The following VPS33A variants were observed in gnomAD, a reference collection of about 807,000 sequenced individuals.
VPS33A encodes the protein vacuolar protein sorting-associated protein 33A.
In VPS33A, 32 loss-of-function variants were observed where a neutral mutation model predicts 71.8. That is an observed-to-expected ratio of 0.45 (90% CI 0.34 to 0.60). The LOEUF (loss-of-function observed/expected upper bound fraction) is 0.60. Ranked by LOEUF, VPS33A falls within the 20% of genes least tolerant of loss-of-function variation. VPS33A has a pLI of 0.02. For synonymous variants in VPS33A, 311 were observed against 292.7 expected (o/e 1.06, Z -0.64); for missense variants, 625 against 748.5 (o/e 0.84, Z 1.92).
intron 5 of VPS33A, among the ~76,000 whole-genome samples, chr12:122,250,763 G>A (rs774882518): frequency 5.9e-5 from 9 of 152,226 alleles, no homozygotes; most frequent in African/African-American, 9.6e-5. Context: ...AACATGCGCA[G>A]TGGTTACTCA....
In VPS33A at chr12:122,253,633, T is replaced by C. The variant is rs114970524; in HGVS notation, c.484-2534A>G. ...ACTTAATTTTTTTAAGTTGTACTAC[T>C]ACAAAGACATCTCTTTTACAATATT... On this transcript the variant is annotated intron_variant, in intron 4 of 12. Transcript: ENST00000267199. 4.0e-3 allele frequency: 616 copies of C among 154,384 alleles called. 5 individuals are homozygous for C. The highest frequency in any genetic ancestry group is 0.014 in the African/African-American group (573 of 41,598). 9.6% of individuals were successfully genotyped at this position (154,384 alleles called of 1,614,324 possible). A position where few individuals can be genotyped will look rare whatever the true frequency, so the allele number is the denominator to read the frequency against.
intron 4 of VPS33A, among the ~76,000 whole-genome samples, chr12:122,251,939 A>C (rs1253810311): frequency 6.6e-6 from 1 of 151,876 alleles, no homozygotes; most frequent in Non-Finnish European, 1.5e-5. Flanking sequence ...AAAAAAGAAA[A>C]AAGAATCTCC....
At chr12:122,232,666 C>T (rs1160577314) in intron 12 of VPS33A, 134 bp downstream of exon 12, 5 of 1,201,420 alleles carry the variant, frequency 4.2e-6, no homozygotes, top group Non-Finnish European at 4.6e-6. Flanking sequence ...TTACTACATA[C>T]ATTAGCAACG....
intron 10 of VPS33A, among the ~76,000 whole-genome samples, chr12:122,237,549 T>A (rs1202838645): frequency 1.4e-5 from 2 of 146,724 alleles, no homozygotes; most frequent in Non-Finnish European, 3.0e-5. Flanking sequence ...TTTTTTTTTT[T>A]TTTTTGAGAC....
chr12:122,242,815 A>C (rs1954732990), intron 7 of VPS33A, among the ~76,000 whole-genome samples: 1 of 152,186 alleles, frequency 6.6e-6, no homozygotes, highest in Admixed American at 6.5e-5. Flanking sequence ...TGGCCTCCCA[A>C]AGTGTTAGGA....
intron 6 of VPS33A, among the ~76,000 whole-genome samples, chr12:122,247,811 AACC>A (rs781510965): frequency 3.3e-5 from 5 of 152,142 alleles, no homozygotes; most frequent in Non-Finnish European, 5.9e-5. Flanking sequence ...TAGTCCTGGC[AACC>A]ACGAGTCCGT....
At position 122,234,331 on chromosome 12, in the gene VPS33A, G is replaced by A. The variant is rs116124247; in HGVS notation, c.1441-1363C>T. Among the ~76,000 whole-genome samples, 616 of 152,100 alleles carry A rather than the reference G, an allele frequency of 4.0e-3. 1 individual carries two copies. Among genetic ancestry groups the A allele is most frequent in the African/African-American group, 0.014 (582 of 41,484 alleles). On this transcript the variant is annotated intron_variant, in intron 11 of 12. Transcript: ENST00000267199. The stretch of plus-strand genomic sequence containing the variant: ...CTCATTCTGTCGCCCATGCTGGAGT[G>A]CAGCAGTGCAATCTCAGCTCACTGT...
intron 11 of VPS33A, among the ~76,000 whole-genome samples, 156 bp from the exon 12 acceptor site, chr12:122,233,124 T>A (rs190746499): frequency 6.6e-6 from 1 of 152,232 alleles, no homozygotes; most frequent in Admixed American, 6.5e-5. Context: ...CTAGCTGGGC[T>A]CAATTTTTAG....
rs951345037 is a variant in VPS33A at position 122,229,621 on chromosome 12, A to G, written c.*2625T>C. 2.6e-5 allele frequency: 4 copies of G among 152,184 alleles called. No homozygotes were observed. Among genetic ancestry groups the G allele is most frequent in the Non-Finnish European group, 5.9e-5 (4 of 68,020 alleles). 9.4% of individuals were successfully genotyped at this position (152,184 alleles called of 1,614,324 possible). A position where few individuals can be genotyped will look rare whatever the true frequency, so the allele number is the denominator to read the frequency against. On this transcript the variant is annotated 3_prime_UTR_variant, in exon 13 of 13. Transcript: ENST00000267199. ...CTGGTGTAGAACTGTCTACCCAACT[A>G]GACAAAAGTCCAGACATGATGTAAA...
At chr12:122,252,946 T>A (rs1220627879) in intron 4 of VPS33A, 1 of 152,180 alleles carries the variant, frequency 6.6e-6, no homozygotes, top group Non-Finnish European at 1.5e-5. Context: ...TGGTACATTT[T>A]ATCAATTCCC....
chr12:122,235,465 T>C (rs992983083), intron 11 of VPS33A, among the ~76,000 whole-genome samples: 1 of 151,920 alleles, frequency 6.6e-6, no homozygotes, highest in East Asian at 1.9e-4. Context: ...GGGTTTCCCA[T>C]GTTAGTCAGG....
chr12:122,256,613 A>G (rs1377181345), intron 4 of VPS33A, among the ~76,000 whole-genome samples: 2 of 152,068 alleles, frequency 1.3e-5, no homozygotes, highest in African/African-American at 4.8e-5. Flanking sequence ...TCTCCAGAGC[A>G]GCAGCAGCGG....
intron 11 of VPS33A, 95 bp from the exon 12 acceptor site, chr12:122,233,063 G>A: frequency 7.5e-7 from 1 of 1,339,884 alleles, no homozygotes; most frequent in Non-Finnish European, 9.9e-7. Context: ...ATTTGATTTG[G>A]ATTTAAAGAT....
chr12:122,245,257 TTTTA>T (rs2136133036), intron 6 of VPS33A, among the ~76,000 whole-genome samples: 1 of 152,246 alleles, frequency 6.6e-6, no homozygotes, highest in East Asian at 1.9e-4. Flanking sequence ...GGTGGCTTCG[TTTTA>T]TTTTTTTTTT....
chr12:122,236,686 G>A (rs1439564201), intron 10 of VPS33A, among the ~76,000 whole-genome samples: 2 of 152,206 alleles, frequency 1.3e-5, no homozygotes, highest in African/African-American at 4.8e-5. Context: ...TACTTTCTAT[G>A]AGCTGGGCAC....
chr12:122,241,520 G>A (rs1954714575), intron 8 of VPS33A, among the ~76,000 whole-genome samples: 1 of 151,472 alleles, frequency 6.6e-6, no homozygotes, highest in Non-Finnish European at 1.5e-5. Flanking sequence ...GGCCAGGCTG[G>A]TCTCGAATGC....
Position 122,261,373 on chromosome 12 carries a change from C to T in VPS33A, c.371G>A (p.Arg124Gln), listed in dbSNP as rs753134449. 7 of 1,613,950 alleles carry T rather than the reference C, an allele frequency of 4.3e-6. No homozygotes were observed. The highest frequency in any genetic ancestry group is 2.2e-5 in the South Asian group (2 of 91,026). Residue 124 changes from arginine (R) to glutamine (Q), a missense_variant, in exon 4 of 13, where the codon CGG becomes CAG. Coordinates refer to ENST00000267199, the MANE Select transcript of VPS33A (RefSeq NM_022916.6). ...VPRRSLLCEQRLKDLGVLGSF... is the reference protein window; with the variant it reads ...VPRRSLLCEQQLKDLGVLGSF... ...TCCCAAGACACCCAGATCCTTCAAC[C>T]GCTGTTCGCACAACAGGCTACGGCG...
Position 122,261,442 on chromosome 12 carries a change from T to A in VPS33A, c.302A>T (p.Asp101Val), listed in dbSNP as rs1416290456. ...DIIAENVLSEDRRGPTRDFHI... is the reference protein window; with the variant it reads ...DIIAENVLSEVRRGPTRDFHI... Reference sequence around the variant, plus strand: ...AAAATCTCTCGTTGGGCCTCGTCTATCTTCACTGCAAAGGAAGCAACATTT... The same window carrying A: ...AAAATCTCTCGTTGGGCCTCGTCTAACTTCACTGCAAAGGAAGCAACATTT... The change falls in exon 4 of 13, where the codon GAT becomes GTT. Residue 101 changes from aspartate to valine, a missense_variant. Coordinates refer to ENST00000267199, the MANE Select transcript of VPS33A (RefSeq NM_022916.6). 6.2e-7 allele frequency: 1 copy of A among 1,613,398 alleles called. No homozygotes were observed. The highest frequency in any genetic ancestry group is 8.5e-7 in the Non-Finnish European group (1 of 1,179,888).
At chr12:122,239,461 C>T (rs147063532) in intron 9 of VPS33A, among the ~76,000 whole-genome samples, 120 of 152,236 alleles carry the variant, frequency 7.9e-4, no homozygotes, top group East Asian at 2.1e-3. Context: ...AGTGGCCGGG[C>T]GCAGTGACTC....
Sources: gnomAD v4.1 joint callset for allele counts (sites outside exome capture counted in the v4.1 genomes callset) on GRCh38, gnomAD v4.1.1 for gene constraint, MANE v1.5 for transcripts, NCBI Gene and HGNC (gene_info 2026-07-23, HGNC 2026-07-21) for gene names.